Variants in FHIT observed in about 807,000 individuals in gnomAD.
FHIT encodes the protein bis(5'-adenosyl)-triphosphatase.
FHIT carries 19 observed loss-of-function variants against 17.9 expected under a neutral mutation model. The observed-to-expected ratio is 1.06, with a 90% CI of 0.74 to 1.56. The LOEUF is 1.56. Ranked by LOEUF, FHIT falls within the 40% of genes most tolerant of loss-of-function variation. FHIT has a pLI of 0.00. For missense variants in FHIT, 248 were observed against 189.2 expected (o/e 1.31, Z -1.82); for synonymous variants, 81 against 69.7 (o/e 1.16, Z -0.81).
chr3:60,881,516 G>C (rs554492502), intron 3 of FHIT, among the ~76,000 whole-genome samples: 52 of 152,188 alleles, frequency 3.4e-4, no homozygotes, highest in African/African-American at 1.0e-3. Flanking sequence ...CATCCTCAAG[G>C]ACAGATCACA....
chr3:61,202,067 TACAC>T lies in FHIT; in HGVS notation c.-212-1406_-212-1403del, dbSNP rs143994045. Among the ~76,000 whole-genome samples, 115 of 148,710 alleles carry T rather than the reference TACAC, an allele frequency of 7.7e-4. 1 individual carries two copies. Among genetic ancestry groups the T allele is most frequent in the African/African-American group, 2.6e-3 (103 of 40,290 alleles). On this transcript the variant is annotated intron_variant, in intron 1 of 9. Transcript: ENST00000492590. ...CTACATATATATACACGCACATAGA[TACAC>T]ACACACACACACACACACACGCACA...
chr3:61,221,393 T>C (rs1343650137), intron 1 of FHIT, among the ~76,000 whole-genome samples: 1 of 152,250 alleles, frequency 6.6e-6, no homozygotes, highest in Non-Finnish European at 1.5e-5. Flanking sequence ...ACTGATGTTT[T>C]GCAGATGCAA....
intron 4 of FHIT, among the ~76,000 whole-genome samples, chr3:60,597,266 A>G (rs1283195390): frequency 1.3e-5 from 2 of 152,128 alleles, no homozygotes; most frequent in African/African-American, 4.8e-5. Flanking sequence ...CTTTTCATCG[A>G]TTTCCAATAA....
chr3:60,860,158 T>TATATAG (rs1703594897), intron 3 of FHIT, among the ~76,000 whole-genome samples: 4 of 73,050 alleles, frequency 5.5e-5, no homozygotes, highest in African/African-American at 1.8e-4. Flanking sequence ...GTATATATGA[T>TATATAG]ATACATCATA....
intron 5 of FHIT, among the ~76,000 whole-genome samples, chr3:60,393,275 A>AT (rs538277839): frequency 9.1e-4 from 138 of 151,850 alleles, no homozygotes; most frequent in African/African-American, 3.2e-3. Flanking sequence ...GGAAATAAAG[A>AT]TTTTTTTTGA....
At chr3:59,776,502 G>C (rs954552087) in intron 8 of FHIT, among the ~76,000 whole-genome samples, 5 of 152,180 alleles carry the variant, frequency 3.3e-5, no homozygotes, top group Non-Finnish European at 7.3e-5. Context: ...GGCTCCACTA[G>C]CTCAGAGAAC....
chr3:60,419,834 C>T (rs1480339207), intron 5 of FHIT, among the ~76,000 whole-genome samples: 4 of 152,108 alleles, frequency 2.6e-5, no homozygotes, highest in Non-Finnish European at 4.4e-5. Context: ...GTAAAATGGG[C>T]ATAATATCAT....
intron 4 of FHIT, among the ~76,000 whole-genome samples, chr3:60,675,708 C>G (rs1337422028): frequency 6.6e-6 from 1 of 152,278 alleles, no homozygotes; most frequent in African/African-American, 2.4e-5. Flanking sequence ...AGCCTACCAA[C>G]AGCATGTTTT....
intron 5 of FHIT, among the ~76,000 whole-genome samples, chr3:60,050,831 T>G (rs1701842370): frequency 6.6e-6 from 1 of 152,120 alleles, no homozygotes; most frequent in Non-Finnish European, 1.5e-5. Context: ...AATACGCCCC[T>G]TAGCAAGTGA....
chr3:60,900,419 T>A (rs952446061), intron 3 of FHIT, among the ~76,000 whole-genome samples: 1 of 148,184 alleles, frequency 6.7e-6, no homozygotes, highest in South Asian at 2.1e-4. Context: ...CTGAGCTACA[T>A]AGTGAGATGC....
At chr3:60,341,133 T>C (rs952883708) in intron 5 of FHIT, among the ~76,000 whole-genome samples, 1 of 152,228 alleles carries the variant, frequency 6.6e-6, no homozygotes, top group African/African-American at 2.4e-5. Context: ...GATTTTGTTA[T>C]ACGATGAGTA....
intron 5 of FHIT, among the ~76,000 whole-genome samples, chr3:60,346,831 G>A (rs1330288154): frequency 6.6e-6 from 1 of 152,106 alleles, no homozygotes; most frequent in Non-Finnish European, 1.5e-5. Context: ...AAAAGGACCT[G>A]AATTTAGGTT....
chr3:60,938,635 C>T (rs1312667005), intron 3 of FHIT, among the ~76,000 whole-genome samples: 1 of 152,178 alleles, frequency 6.6e-6, no homozygotes, highest in Non-Finnish European at 1.5e-5. Context: ...ATCTGATGAA[C>T]TGAATGTTAA....
At chr3:59,997,576 G>A (rs1043314835) in intron 7 of FHIT, among the ~76,000 whole-genome samples, 9 of 152,128 alleles carry the variant, frequency 5.9e-5, no homozygotes, top group Admixed American at 2.0e-4. Context: ...CAAGATGATT[G>A]TCCTAAAATA....
Position 60,846,126 on chromosome 3 carries a change from A to T in FHIT, c.-110-24115T>A, listed in dbSNP as rs534297347. 1.8e-4 allele frequency among the ~76,000 whole-genome samples: 28 copies of T among 152,320 alleles called. No individual in the cohort carries two copies. In the South Asian group the frequency reaches 5.8e-3, roughly 32 times the overall value. Reference sequence around the variant, plus strand: ...TCTGAGGGCTCTGCTTGTCTTTAACAGCTTAGCTACATTGTTAGAGAGCAA... The same window carrying T: ...TCTGAGGGCTCTGCTTGTCTTTAACTGCTTAGCTACATTGTTAGAGAGCAA... On this transcript the variant is annotated intron_variant, in intron 3 of 9. Transcript: ENST00000492590.
intron 4 of FHIT, among the ~76,000 whole-genome samples, chr3:60,664,084 G>T (rs1474534275): frequency 6.6e-6 from 1 of 152,062 alleles, no homozygotes; most frequent in Non-Finnish European, 1.5e-5. Flanking sequence ...CTAATCTCAG[G>T]GATGCTCTTT....
At chr3:60,595,505 G>C (rs868941907) in intron 4 of FHIT, among the ~76,000 whole-genome samples, 16 of 119,142 alleles carry the variant, frequency 1.3e-4, no homozygotes, top group African/African-American at 4.7e-4. Context: ...ATATGTGTGT[G>C]TGTGTATATA....
chr3:59,963,577 A>C (rs1707789176), intron 7 of FHIT, among the ~76,000 whole-genome samples: 3 of 152,198 alleles, frequency 2.0e-5, no homozygotes, highest in Admixed American at 2.0e-4. Context: ...AGAGCGCCTA[A>C]CATGTTTCAC....
At chr3:60,463,773 T>C (rs1170926578) in intron 5 of FHIT, among the ~76,000 whole-genome samples, 2 of 152,224 alleles carry the variant, frequency 1.3e-5, no homozygotes, top group South Asian at 2.1e-4. Flanking sequence ...TTAACTTCTC[T>C]GGGCATCAGT....
Sources: allele counts gnomAD v4.1 joint callset (sites outside exome capture counted in the v4.1 genomes callset), GRCh38; gene constraint gnomAD v4.1.1; transcripts MANE v1.5; gene names NCBI Gene and HGNC (gene_info 2026-07-23, HGNC 2026-07-21).